Variants in TENM3 observed in about 807,000 individuals in gnomAD.
TENM3 encodes the protein teneurin transmembrane protein 3.
TENM3 carries 63 observed loss-of-function variants against 255.1 expected under a neutral mutation model. The observed-to-expected ratio is 0.25, with a 90% CI of 0.20 to 0.30. The LOEUF (loss-of-function observed/expected upper bound fraction) is 0.30, where lower values mean the gene tolerates loss of function less well. Among genes scored for constraint, TENM3 ranks in the 10% least tolerant of loss-of-function variants. The pLI, the probability that TENM3 is intolerant of heterozygous loss-of-function variation, is 1.00. For synonymous variants in TENM3, 1,306 were observed against 1,322.3 expected (o/e 0.99, Z 0.27); for missense variants, 2,929 against 3,461.1 (o/e 0.85, Z 3.86).
In TENM3 at chr4:182,793,676, T is replaced by C. The variant is rs1266407958; in HGVS notation, c.7004T>C (p.Val2335Ala). The C allele has an allele frequency of 3.7e-6, 6 of 1,613,974 alleles. No homozygotes were observed. The South Asian group carries it at 5.5e-5, about 15-fold the overall frequency. ...GACTCTAATATTGACTTTCAACTGGTAATTGGATTTCATGGTGGCCTGTAT... is the reference window on the plus strand; with the variant it reads ...GACTCTAATATTGACTTTCAACTGGCAATTGGATTTCATGGTGGCCTGTAT... Reference protein sequence around the residue: ...YFDSNIDFQLVIGFHGGLYDP... With the variant: ...YFDSNIDFQLAIGFHGGLYDP... Residue 2335 changes from valine to alanine, a missense_variant, in exon 26 of 28, where the codon GTA becomes GCA. This residue lies in a region of TENM3 where 256 missense variants were observed against 389.3 expected (regional missense o/e 0.66). Transcript: ENST00000511685. This position sits in a 1 kb window ranked among gnomAD's most constrained non-coding sequence, Gnocchi z 5.7.
At chr4:181,967,748 A>G in the TENM3 span, among the ~76,000 whole-genome samples, 2 of 152,122 alleles carry the variant, frequency 1.3e-5, no homozygotes, top group Non-Finnish European at 2.9e-5. Flanking sequence ...TGACTGTAGG[A>G]TAGAGGCTCA....
At chr4:182,526,827 G>C (rs2151817340) in intron 3 of TENM3, among the ~76,000 whole-genome samples, 1 of 152,276 alleles carries the variant, frequency 6.6e-6, no homozygotes, top group African/African-American at 2.4e-5. Context: ...TCTCATGCTG[G>C]CTTGTTGAAT....
the TENM3 span, among the ~76,000 whole-genome samples, chr4:182,056,583 T>C: frequency 6.6e-6 from 1 of 152,130 alleles, no homozygotes; most frequent in Non-Finnish European, 1.5e-5. Flanking sequence ...CAACATTAGC[T>C]CCAAGAATGA....
the TENM3 span, among the ~76,000 whole-genome samples, chr4:181,563,707 T>C: frequency 6.6e-6 from 1 of 152,220 alleles, no homozygotes; most frequent in Non-Finnish European, 1.5e-5. Context: ...AATTTTCCAC[T>C]GTCATTTAAT....
At chr4:182,179,135 G>T (rs1244845175) in intron 1 of TENM3, among the ~76,000 whole-genome samples, 8 of 152,170 alleles carry the variant, frequency 5.3e-5, no homozygotes, top group Admixed American at 3.9e-4. Context: ...ATTTAAATTA[G>T]ATTTCATTTC....
chr4:182,327,354 G>A (rs1229182673), intron 2 of TENM3, among the ~76,000 whole-genome samples: 1 of 152,172 alleles, frequency 6.6e-6, no homozygotes, highest in African/African-American at 2.4e-5. Context: ...GATCAGTCCT[G>A]TATCCATTTA....
intron 1 of TENM3, among the ~76,000 whole-genome samples, chr4:182,252,803 C>A (rs1445271636): frequency 6.9e-6 from 1 of 144,120 alleles, no homozygotes; most frequent in African/African-American, 2.5e-5. Context: ...GGAGCTTCAC[C>A]GTGTGTCTCA....
At chr4:181,629,316 A>T in the TENM3 span, among the ~76,000 whole-genome samples, 1 of 152,252 alleles carries the variant, frequency 6.6e-6, no homozygotes, top group East Asian at 1.9e-4. Context: ...TTCCTAATTG[A>T]ATACCCTTTA....
the TENM3 span, among the ~76,000 whole-genome samples, chr4:182,078,102 T>A: frequency 2.0e-5 from 3 of 152,284 alleles, no homozygotes; most frequent in South Asian, 6.2e-4. Flanking sequence ...AGCCCATGCC[T>A]GTAGTCCCAG....
intron 6 of TENM3, among the ~76,000 whole-genome samples, chr4:182,662,446 T>C (rs2152532651): frequency 6.6e-6 from 1 of 152,324 alleles, no homozygotes; most frequent in South Asian, 2.1e-4. Context: ...ATTGGTTTGA[T>C]TCCTAACCCA....
Position 182,673,193 on chromosome 4 carries a change from AAAGGCTTACCGCCTTCCC to A in TENM3, c.1302_1319del (p.Lys434_His440delinsAsn). On this transcript the variant is annotated inframe_deletion, in exon 7 of 28. Transcript: ENST00000511685. ...TGCATTGATTGGAGTATATGGCCGG[AAAGGCTTACCGCCTTCCC>A]ATACTCAGGTAAGACTAGGCTTTCT... 6.2e-7 allele frequency: 1 copy of A among 1,613,426 alleles called. No individual in the cohort carries two copies. The highest frequency in any genetic ancestry group is 8.5e-7 in the Non-Finnish European group (1 of 1,179,424).
chr4:181,734,455 T>G, the TENM3 span, among the ~76,000 whole-genome samples: 1 of 152,108 alleles, frequency 6.6e-6, no homozygotes, highest in Non-Finnish European at 1.5e-5. Flanking sequence ...CATACGTTTC[T>G]TAGTACTAAC....
chr4:182,213,977 T>TA (rs1755250247), intron 1 of TENM3, among the ~76,000 whole-genome samples: 1 of 152,002 alleles, frequency 6.6e-6, no homozygotes, highest in African/African-American at 2.4e-5. Context: ...AATTTTTTTG[T>TA]GTTTTAGTAG....
the TENM3 span, among the ~76,000 whole-genome samples, chr4:181,468,456 A>C: frequency 6.6e-6 from 1 of 152,316 alleles, no homozygotes; most frequent in African/African-American, 2.4e-5. Context: ...AATGTAGAGC[A>C]ATTTCTATTT....
chr4:182,094,345 A>C, the TENM3 span, among the ~76,000 whole-genome samples: 1 of 151,846 alleles, frequency 6.6e-6, no homozygotes, highest in Admixed American at 6.6e-5. Flanking sequence ...TCCCGGCTTC[A>C]AGCAATTCTC....
At chr4:182,153,119 G>T (rs557857256) in intron 1 of TENM3, among the ~76,000 whole-genome samples, 1 of 151,702 alleles carries the variant, frequency 6.6e-6, no homozygotes, top group Non-Finnish European at 1.5e-5. Context: ...CATAAATAAA[G>T]AATTAAAAAA....
the TENM3 span, among the ~76,000 whole-genome samples, chr4:181,466,789 T>G: frequency 6.6e-6 from 1 of 152,016 alleles, no homozygotes; most frequent in Non-Finnish European, 1.5e-5. Flanking sequence ...ATATTGCCCC[T>G]AAGCATTTAT....
chr4:182,481,744 G>A lies in TENM3; in HGVS notation c.512-119180G>A, dbSNP rs1048741325. 4.6e-5 allele frequency among the ~76,000 whole-genome samples: 7 copies of A among 152,210 alleles called. No homozygotes were observed. In the South Asian group the frequency reaches 6.2e-4, roughly 14 times the overall value. ...CAGGAGGCAAGGGTTTCAGTGAGCCGAGATGGTGCCACTGCACTGCAGCCT... is the reference window on the plus strand; with the variant it reads ...CAGGAGGCAAGGGTTTCAGTGAGCCAAGATGGTGCCACTGCACTGCAGCCT... On this transcript the variant is annotated intron_variant, in intron 3 of 27. Transcript: ENST00000511685.
chr4:182,731,850 C>T (rs1333663285), intron 16 of TENM3, among the ~76,000 whole-genome samples: 11 of 150,686 alleles, frequency 7.3e-5, no homozygotes, highest in Non-Finnish European at 1.0e-4. Context: ...GGCACGATCT[C>T]GGCTCACTGC....
Sources: allele counts gnomAD v4.1 joint callset (sites outside exome capture counted in the v4.1 genomes callset), GRCh38; gene constraint gnomAD v4.1.1; regional missense constraint gnomAD v4.1.1; non-coding constraint Gnocchi (gnomAD v3.1); transcripts MANE v1.5; gene names NCBI Gene and HGNC (gene_info 2026-07-23, HGNC 2026-07-21).